Variants in SPOCK3 observed in about 807,000 individuals in gnomAD.
SPOCK3 encodes the protein SPARC (osteonectin), cwcv and kazal like domains proteoglycan 3.
In SPOCK3, 30 loss-of-function variants were observed where a neutral mutation model predicts 56.6. The ratio of observed to expected loss-of-function variants is 0.53; its 90% CI spans 0.40 to 0.72. The LOEUF (loss-of-function observed/expected upper bound fraction) is 0.72. Among genes scored for constraint, SPOCK3 ranks in the 30% least tolerant of loss-of-function variants. SPOCK3 has a pLI of 0.00. For synonymous variants in SPOCK3, 196 were observed against 183.3 expected (o/e 1.07, Z -0.56); for missense variants, 527 against 530.0 (o/e 0.99, Z 0.06).
intron 2 of SPOCK3, among the ~76,000 whole-genome samples, chr4:167,088,736 T>C (rs147739081): frequency 0.086 from 13,104 of 152,146 alleles, 723 homozygotes; most frequent in South Asian, 0.17. Flanking sequence ...GTGCTGGGAT[T>C]ACAGGCGTGA....
chr4:167,026,197 G>T (rs906086822), intron 3 of SPOCK3, among the ~76,000 whole-genome samples: 1 of 152,028 alleles, frequency 6.6e-6, no homozygotes, highest in African/African-American at 2.4e-5. Context: ...GCCATGCAGA[G>T]CCCTGTGTCG....
At chr4:167,017,182 A>G (rs1244833108) in intron 3 of SPOCK3, among the ~76,000 whole-genome samples, 1 of 152,058 alleles carries the variant, frequency 6.6e-6, no homozygotes, top group Non-Finnish European at 1.5e-5. Flanking sequence ...CGGAAGAGTG[A>G]GAGTAAAACT....
chr4:166,867,826 G>T (rs1198274616), intron 6 of SPOCK3, among the ~76,000 whole-genome samples: 1 of 151,542 alleles, frequency 6.6e-6, no homozygotes. Flanking sequence ...AACTGAAATT[G>T]AGAAACACAT....
intron 3 of SPOCK3, among the ~76,000 whole-genome samples, chr4:167,009,824 T>C (rs930051866): frequency 6.6e-6 from 1 of 151,982 alleles, no homozygotes; most frequent in Non-Finnish European, 1.5e-5. Context: ...CATGTTTATA[T>C]TAATTCATGT....
intron 6 of SPOCK3, among the ~76,000 whole-genome samples, chr4:166,886,683 A>G (rs556417821): frequency 6.6e-6 from 1 of 152,314 alleles, no homozygotes; most frequent in Non-Finnish European, 1.5e-5. Context: ...GACCTTAAAT[A>G]TAGGAAGTCA....
intron 4 of SPOCK3, among the ~76,000 whole-genome samples, chr4:166,949,007 G>C (rs376257609): frequency 2.0e-5 from 3 of 152,024 alleles, no homozygotes; most frequent in East Asian, 3.9e-4. Flanking sequence ...GGTCTTTTCA[G>C]ATAGTCCCAT....
chr4:166,968,786 G>GC (rs1745038981), intron 4 of SPOCK3, among the ~76,000 whole-genome samples: 1 of 152,198 alleles, frequency 6.6e-6, no homozygotes, highest in Non-Finnish European at 1.5e-5. Flanking sequence ...ACAGTGCCTA[G>GC]CGGACGTATG....
At chr4:166,840,367 A>AT (rs1747109857) in intron 6 of SPOCK3, among the ~76,000 whole-genome samples, 1 of 152,188 alleles carries the variant, frequency 6.6e-6, no homozygotes. Context: ...CGTCTACATT[A>AT]TTTTTAAAAT....
At chr4:166,747,826 T>A (rs1735852087) in intron 8 of SPOCK3, among the ~76,000 whole-genome samples, 1 of 151,934 alleles carries the variant, frequency 6.6e-6, no homozygotes, top group Non-Finnish European at 1.5e-5. Flanking sequence ...TCACAAGCAT[T>A]CTTATACACC....
At chr4:167,223,364 T>C (rs1736260207) in intron 2 of SPOCK3, among the ~76,000 whole-genome samples, 1 of 146,784 alleles carries the variant, frequency 6.8e-6, no homozygotes, top group South Asian at 2.1e-4. Flanking sequence ...TATGTTTATA[T>C]ATAAATATAT....
chr4:166,897,950 G>A (rs940085950), intron 5 of SPOCK3, among the ~76,000 whole-genome samples: 5 of 152,056 alleles, frequency 3.3e-5, no homozygotes, highest in African/African-American at 4.8e-5. Context: ...AGCATTTTGG[G>A]AACCCAAGGC....
intron 2 of SPOCK3, among the ~76,000 whole-genome samples, chr4:167,220,283 A>T (rs1383045308): frequency 1.3e-5 from 2 of 152,272 alleles, no homozygotes; most frequent in East Asian, 3.9e-4. Flanking sequence ...GGGTGGTGGC[A>T]CAACTGTAGA....
chr4:166,743,077 T>G (rs1295856868), intron 8 of SPOCK3, among the ~76,000 whole-genome samples: 1 of 152,090 alleles, frequency 6.6e-6, no homozygotes, highest in Admixed American at 6.6e-5. Context: ...CCCCCTCGGA[T>G]ACTAAGAGAT....
At chr4:167,133,950 T>G (rs983424459) in intron 2 of SPOCK3, among the ~76,000 whole-genome samples, 2 of 151,968 alleles carry the variant, frequency 1.3e-5, no homozygotes, top group Non-Finnish European at 2.9e-5. Flanking sequence ...CTACAAAAAT[T>G]AATATGTTGG....
intron 2 of SPOCK3, among the ~76,000 whole-genome samples, chr4:167,178,508 C>A (rs565032607): frequency 6.6e-6 from 1 of 152,214 alleles, no homozygotes; most frequent in Non-Finnish European, 1.5e-5. Flanking sequence ...CTGAAAGTTC[C>A]AATTTCACCT....
intron 7 of SPOCK3, among the ~76,000 whole-genome samples, chr4:166,776,478 G>A (rs1008423834): frequency 1.3e-5 from 2 of 152,020 alleles, no homozygotes; most frequent in African/African-American, 4.8e-5. Flanking sequence ...TTTCTGCTGG[G>A]TTTCAAAGGA....
At chr4:166,988,740 C>T (rs1335729654) in intron 4 of SPOCK3, among the ~76,000 whole-genome samples, 2 of 152,048 alleles carry the variant, frequency 1.3e-5, no homozygotes, top group African/African-American at 4.8e-5. Flanking sequence ...ATAGCCTTTT[C>T]AATTCACATC....
rs184470735 is a variant in SPOCK3 at position 166,956,443 on chromosome 4, A to T, written c.351-43700T>A. Among the ~76,000 whole-genome samples, 40 of 152,276 alleles carry T rather than the reference A, an allele frequency of 2.6e-4. 1 individual carries two copies. In the East Asian group the frequency reaches 7.2e-3, roughly 27 times the overall value. ...ACCTCAGCAGTAGATCCAATAACCAAACCAGCTACTAATTGACAAATGGGT... is the reference window on the plus strand; with the variant it reads ...ACCTCAGCAGTAGATCCAATAACCATACCAGCTACTAATTGACAAATGGGT... On this transcript the variant is annotated intron_variant, in intron 4 of 10. Transcript: ENST00000357545.
intron 4 of SPOCK3, among the ~76,000 whole-genome samples, chr4:166,991,533 C>A (rs986013058): frequency 9.2e-5 from 14 of 151,766 alleles, no homozygotes; most frequent in Non-Finnish European, 1.9e-4. Flanking sequence ...CAACACCCTG[C>A]TAATTTTTGT....
Sources: gnomAD v4.1 joint callset for allele counts (sites outside exome capture counted in the v4.1 genomes callset) on GRCh38, gnomAD v4.1.1 for gene constraint, MANE v1.5 for transcripts, NCBI Gene and HGNC (gene_info 2026-07-23, HGNC 2026-07-21) for gene names.